BAZ2B: variants seen among roughly 807,000 people sequenced by gnomAD.
The protein encoded by BAZ2B is bromodomain adjacent to zinc finger domain protein 2B.
Under a neutral mutation model 246.0 loss-of-function variants are expected in BAZ2B, and 91 were observed. That is an observed-to-expected ratio of 0.37 (90% CI 0.31 to 0.44). The LOEUF (loss-of-function observed/expected upper bound fraction) is 0.44. Among genes scored for constraint, BAZ2B ranks in the 20% least tolerant of loss-of-function variants. The pLI is 1.00. For missense variants in BAZ2B, 2,332 were observed against 2,533.7 expected (o/e 0.92, Z 1.71); for synonymous variants, 855 against 860.0 (o/e 0.99, Z 0.10).
At chr2:159,444,131 A>C (rs1468972944) in intron 6 of BAZ2B, 1 of 152,200 alleles carries the variant, frequency 6.6e-6, no homozygotes, top group Non-Finnish European at 1.5e-5. Flanking sequence ...AGAAACTGGC[A>C]GTAGCTCAGA....
chr2:159,408,123 C>A (rs1356832443), intron 14 of BAZ2B, among the ~76,000 whole-genome samples: 1 of 152,058 alleles, frequency 6.6e-6, no homozygotes. Flanking sequence ...ATATATAGAA[C>A]CATGTTTGTG....
chr2:159,397,120 C>G (rs2064139841), intron 19 of BAZ2B: 3 of 1,466,264 alleles, frequency 2.0e-6, no homozygotes, highest in African/African-American at 2.8e-5. Flanking sequence ...AGAGTTGGCA[C>G]AACATTATGA....
intron 2 of BAZ2B, among the ~76,000 whole-genome samples, chr2:159,530,966 AAAAC>A (rs143825565): frequency 1.3e-4 from 19 of 151,806 alleles, no homozygotes; most frequent in Non-Finnish European, 2.1e-4. Flanking sequence ...ACTCCGTCTC[AAAAC>A]AAACAAACAA....
At chr2:159,567,358 T>C (rs1682876318) in intron 1 of BAZ2B, among the ~76,000 whole-genome samples, 1 of 152,218 alleles carries the variant, frequency 6.6e-6, no homozygotes, top group Admixed American at 6.5e-5. Flanking sequence ...CATATACAGC[T>C]TTTATTTGTT....
At chr2:159,504,508 C>T (rs1171223994) in intron 2 of BAZ2B, among the ~76,000 whole-genome samples, 1 of 152,008 alleles carries the variant, frequency 6.6e-6, no homozygotes, top group Non-Finnish European at 1.5e-5. Context: ...CCAGATTGAA[C>T]CTTAAAATTT....
At chr2:159,548,123 C>A (rs887784067) in intron 2 of BAZ2B, among the ~76,000 whole-genome samples, 3 of 152,134 alleles carry the variant, frequency 2.0e-5, no homozygotes, top group African/African-American at 7.2e-5. Flanking sequence ...CTGCTACATA[C>A]TAATTTTGAA....
At chr2:159,315,363 G>C (rs138544437), downstream of BAZ2B, among the ~76,000 whole-genome samples, 478 of 152,310 alleles carry the variant, frequency 3.1e-3, no homozygotes, top group African/African-American at 0.01. Context: ...TGTGGGTCAA[G>C]AAATCAGGAG....
intron 2 of BAZ2B, among the ~76,000 whole-genome samples, chr2:159,488,178 T>C (rs2080051785): frequency 1.3e-5 from 2 of 152,176 alleles, no homozygotes; most frequent in South Asian, 4.1e-4. Flanking sequence ...GTTCCAGTAA[T>C]TCTTCCGCTT....
chr2:159,419,289 C>A (rs1336176686), intron 13 of BAZ2B, among the ~76,000 whole-genome samples: 2 of 152,092 alleles, frequency 1.3e-5, no homozygotes, highest in African/African-American at 2.4e-5. Context: ...TAAAAAAATT[C>A]TTCGGGAATG....
At chr2:159,446,334 T>C (rs1273805796) in intron 6 of BAZ2B, among the ~76,000 whole-genome samples, 5 of 152,194 alleles carry the variant, frequency 3.3e-5, no homozygotes. Flanking sequence ...TGAAGCTGAA[T>C]AATAGGTACA....
intron 1 of BAZ2B, among the ~76,000 whole-genome samples, chr2:159,592,442 G>C (rs4665088): frequency 0.92 from 140,624 of 152,304 alleles, 65,416 homozygotes; most frequent in East Asian, 1. Flanking sequence ...GCCACTGCAC[G>C]TGGCCCAATA....
rs751109595 is a variant in BAZ2B, at chr2:159,332,701, A to G, written c.5797-15T>C. ...ATTTGGCAGTACTATAATACATGAA[A>G]AATCATTTAAAATTAACGCTCTGCC... On this transcript the variant is annotated splice_polypyrimidine_tract_variant and intron_variant, in intron 33 of 36. Transcript: ENST00000392783. 8 of 1,611,738 alleles carry G rather than the reference A, an allele frequency of 5.0e-6. No homozygotes were observed. The South Asian group carries it at 8.8e-5, about 18-fold the overall frequency.
At chr2:159,321,823 A>C (rs944127171) in intron 36 of BAZ2B, 2 of 152,338 alleles carry the variant, frequency 1.3e-5, no homozygotes, top group South Asian at 4.1e-4. Context: ...AATAAGACCT[A>C]GTATGTGACA....
At chr2:159,464,812 TA>T (rs1180802428) in intron 3 of BAZ2B, 1 of 152,204 alleles carries the variant, frequency 6.6e-6, no homozygotes, top group Non-Finnish European at 1.5e-5. Flanking sequence ...AAATACGGAA[TA>T]TTTTATATAC....
intron 14 of BAZ2B, among the ~76,000 whole-genome samples, chr2:159,405,412 A>G (rs1173442084): frequency 6.6e-6 from 1 of 152,074 alleles, no homozygotes; most frequent in Non-Finnish European, 1.5e-5. Context: ...GGGTTTCACC[A>G]TGTTGACCAG....
intron 1 of BAZ2B, among the ~76,000 whole-genome samples, chr2:159,576,870 G>A (rs372546650): frequency 1.9e-4 from 22 of 117,902 alleles, no homozygotes; most frequent in Non-Finnish European, 3.1e-4. Context: ...CCGAGATCAC[G>A]CCACTGCACT....
chr2:159,321,716 A>T (rs1361902065), intron 36 of BAZ2B: 1 of 152,170 alleles, frequency 6.6e-6, no homozygotes, highest in Non-Finnish European at 1.5e-5. Flanking sequence ...AAAACAATTG[A>T]GCTCATGGAA....
intron 13 of BAZ2B, among the ~76,000 whole-genome samples, chr2:159,416,047 G>C (rs1260996996): frequency 6.6e-6 from 1 of 152,062 alleles, no homozygotes; most frequent in Non-Finnish European, 1.5e-5. Context: ...TGACCACTAT[G>C]GGTACTTGAT....
chr2:159,668,090 T>C, the BAZ2B span, among the ~76,000 whole-genome samples: 1 of 152,126 alleles, frequency 6.6e-6, no homozygotes, highest in African/African-American at 2.4e-5. Flanking sequence ...CGGGTAGAGA[T>C]TGTAGATGTA....
Sources: allele counts gnomAD v4.1 joint callset (sites outside exome capture counted in the v4.1 genomes callset), GRCh38; gene constraint gnomAD v4.1.1; transcripts MANE v1.5; gene names NCBI Gene and HGNC (gene_info 2026-07-23, HGNC 2026-07-21).